PTAR1: variants seen among roughly 807,000 people sequenced by gnomAD.
PTAR1 encodes protein prenyltransferase alpha subunit repeat-containing protein 1.
Under a neutral mutation model 45.5 loss-of-function variants are expected in PTAR1, and 17 were observed. The ratio of observed to expected loss-of-function variants is 0.37; its 90% CI spans 0.26 to 0.56. The LOEUF (loss-of-function observed/expected upper bound fraction) is 0.56. Among genes scored for constraint, PTAR1 ranks in the 20% least tolerant of loss-of-function variants. The pLI, the probability that PTAR1 is intolerant of heterozygous loss-of-function variation, is 0.77. For missense variants in PTAR1, 391 were observed against 476.3 expected, an observed-to-expected ratio of 0.82 and a Z score of 1.67; for synonymous variants, 169 against 171.3, an observed-to-expected ratio of 0.99 and a Z score of 0.11.
At chr9:69,725,603 AAT>A (rs1554715487) in intron 5 of PTAR1, among the ~76,000 whole-genome samples, 5 of 151,052 alleles carry the variant, frequency 3.3e-5, no homozygotes, top group Admixed American at 6.6e-5. Flanking sequence ...AAAGAAAAAA[AAT>A]ATATATATAT....
At chr9:69,728,964 G>A (rs971537706) in intron 5 of PTAR1, among the ~76,000 whole-genome samples, 1 of 152,124 alleles carries the variant, frequency 6.6e-6, no homozygotes, top group African/African-American at 2.4e-5. Flanking sequence ...CATGTGCCAA[G>A]CACTGTTTCA....
At chr9:69,733,793 C>T (rs1315043603) in intron 4 of PTAR1, among the ~76,000 whole-genome samples, 1 of 152,100 alleles carries the variant, frequency 6.6e-6, no homozygotes, top group East Asian at 1.9e-4. Context: ...AATGCAATGC[C>T]CACAACTGCT....
intron 3 of PTAR1, among the ~76,000 whole-genome samples, chr9:69,737,698 C>A (rs1350320827): frequency 6.6e-6 from 1 of 152,200 alleles, no homozygotes; most frequent in East Asian, 1.9e-4. Flanking sequence ...GTATTGAACA[C>A]TTCCTCTGAG....
chr9:69,756,041 T>C (rs1010209864), intron 1 of PTAR1, among the ~76,000 whole-genome samples: 13 of 152,164 alleles, frequency 8.5e-5, no homozygotes, highest in Non-Finnish European at 1.6e-4. Flanking sequence ...GCTTAGACTA[T>C]CAAACTCTAA....
intron 1 of PTAR1, 67 bp downstream of exon 1, chr9:69,759,786 T>TTGACGCTTG: frequency 6.9e-7 from 1 of 1,445,230 alleles, no homozygotes; most frequent in Non-Finnish European, 9.2e-7. Context: ...CGAGGTCGGG[T>TTGACGCTTG]GGACGCTTGG....
At chr9:69,749,164 C>CA (rs1490445397) in intron 2 of PTAR1, among the ~76,000 whole-genome samples, 3 of 152,114 alleles carry the variant, frequency 2.0e-5, no homozygotes, top group African/African-American at 7.2e-5. Flanking sequence ...AGGACAAAAA[C>CA]AGAGAAATGG....
intron 2 of PTAR1, among the ~76,000 whole-genome samples, chr9:69,743,869 A>G (rs1414656698): frequency 6.6e-6 from 1 of 152,180 alleles, no homozygotes; most frequent in Non-Finnish European, 1.5e-5. Context: ...TATATAAGGC[A>G]AAATAATTAT....
At chr9:69,749,628 C>T (rs1285605159) in intron 2 of PTAR1, among the ~76,000 whole-genome samples, 1 of 151,992 alleles carries the variant, frequency 6.6e-6, no homozygotes, top group Non-Finnish European at 1.5e-5. Flanking sequence ...GAAAACACTG[C>T]TCATTAAACC....
chr9:69,722,939 CA>C lies in PTAR1; in HGVS notation c.947+386del, dbSNP rs35037746. ...GGGCAAGAAGAGCAAAACTCTATCT[CA>C]AAAAAAAAAAAAAAAAAAGAGAGAT... On this transcript the variant is annotated intron_variant, in intron 6 of 7. Transcript: ENST00000340434. Among the ~76,000 whole-genome samples, 393 of 99,796 alleles carry C rather than the reference CA, an allele frequency of 3.9e-3. 1 individual carries two copies. The highest frequency in any genetic ancestry group is 0.022 in the East Asian group (74 of 3,302). 65.5% of individuals were successfully genotyped at this position (99,796 alleles called of 152,430 possible). A position where few individuals can be genotyped will look rare whatever the true frequency, so the allele number is the denominator to read the frequency against.
At chr9:69,732,575 A>G (rs1825589842) in intron 4 of PTAR1, among the ~76,000 whole-genome samples, 1 of 152,108 alleles carries the variant, frequency 6.6e-6, no homozygotes, top group Non-Finnish European at 1.5e-5. Flanking sequence ...TAAACAGGAA[A>G]AAAAAAAAAC....
rs542984313 is a variant in PTAR1 at position 69,710,226 on chromosome 9, G to A, written c.*8116C>T. 3 of 152,210 alleles carry A rather than the reference G, an allele frequency of 2.0e-5. No individual in the cohort carries two copies. The highest frequency in any genetic ancestry group is 4.1e-4 in the South Asian group (2 of 4,822). The allele number at this position is 152,210 out of a possible 1,614,324, so 9.4% of individuals were successfully genotyped here. On this transcript the variant is annotated 3_prime_UTR_variant, in exon 8 of 8. Coordinates refer to ENST00000340434, the MANE Select transcript of PTAR1 (RefSeq NM_001099666.2). ...TGGCCAGTCAGAATTGAGATGTGCT[G>A]TGAGTGCAAAATACACTCAAATCTA...
chr9:69,759,569 T>G (rs1306637312), intron 1 of PTAR1, among the ~76,000 whole-genome samples: 1 of 152,108 alleles, frequency 6.6e-6, no homozygotes, highest in Non-Finnish European at 1.5e-5. Context: ...GTCTCTGGAG[T>G]TTCGTGAACT....
intron 5 of PTAR1, among the ~76,000 whole-genome samples, chr9:69,726,008 C>T (rs1049260971): frequency 7.9e-5 from 12 of 152,002 alleles, no homozygotes; most frequent in Admixed American, 2.0e-4. Context: ...AGAGGGATAA[C>T]GTGCTAAAAA....
chr9:69,741,852 A>G lies in PTAR1; in HGVS notation c.263T>C (p.Ile88Thr). Residue 88 changes from isoleucine (I) to threonine (T), a missense_variant, in exon 3 of 8, where the codon ATA (isoleucine) becomes ACA (threonine). Coordinates refer to ENST00000340434, the MANE Select transcript of PTAR1 (RefSeq NM_001099666.2). ...RKQWLNRDELIDVTCTLLLLN... is the reference protein window; with the variant it reads ...RKQWLNRDELTDVTCTLLLLN... ...AAGCAGCAGGGTACATGTGACATCT[A>G]TCAATTCTAAAATAAAGAGAAGTCA... 6.3e-7 allele frequency: 1 copy of G among 1,586,280 alleles called. No individual in the cohort carries two copies. The highest frequency in any genetic ancestry group is 8.6e-7 in the Non-Finnish European group (1 of 1,161,526).
intron 5 of PTAR1, among the ~76,000 whole-genome samples, chr9:69,724,475 C>G (rs147908363): frequency 6.6e-6 from 1 of 152,208 alleles, no homozygotes; most frequent in African/African-American, 2.4e-5. Flanking sequence ...ATTTTCAGAC[C>G]AGCTAAGGAA....
chr9:69,723,294 T>G, intron 6 of PTAR1, 32 bp downstream of exon 6: 1 of 1,580,646 alleles, frequency 6.3e-7, no homozygotes, highest in Non-Finnish European at 8.7e-7. Flanking sequence ...ACATGCAGTT[T>G]TGTGTAGGAA....
Position 69,732,254 on chromosome 9 carries a change from A to C in PTAR1, c.527T>G (p.Leu176Arg), listed in dbSNP as rs1177435124. The change falls in exon 5 of 8, where the codon CTC (leucine) becomes CGC (arginine). Residue 176 changes from leucine to arginine, a missense_variant. Leu to Arg is a moderately radical substitution (Grantham distance 102, BLOSUM62 -2). Coordinates refer to ENST00000340434, the MANE Select transcript of PTAR1 (RefSeq NM_001099666.2). ...GTIPTERAQR[L>R]IQEEMEVCGE... Reference sequence around the variant, plus strand: ...ACAGACCTCCATCTCTTCTTGTATGAGTCGCTGTGCCCTTTCTGTGGGAAT... The same window carrying C: ...ACAGACCTCCATCTCTTCTTGTATGCGTCGCTGTGCCCTTTCTGTGGGAAT... The C allele has an allele frequency of 6.2e-7, 1 of 1,613,802 alleles. No homozygotes were observed. The highest frequency in any genetic ancestry group is 1.1e-5 in the South Asian group (1 of 91,078).
chr9:69,717,339 G>C lies in PTAR1; in HGVS notation c.*1003C>G, dbSNP rs1391918686. 6.6e-6 allele frequency: 1 copy of C among 151,998 alleles called. No homozygotes were observed. Among genetic ancestry groups the C allele is most frequent in the Non-Finnish European group, 1.5e-5 (1 of 67,994 alleles). 9.4% of individuals were successfully genotyped at this position (151,998 alleles called of 1,614,324 possible). On this transcript the variant is annotated 3_prime_UTR_variant, in exon 8 of 8. Coordinates refer to ENST00000340434, the MANE Select transcript of PTAR1 (RefSeq NM_001099666.2). Reference sequence around the variant, plus strand: ...TTAAAAAGTAGTAATAGCTAAAAATGGCATTCCAGGTTTTCAGGAAAAAAA... The same window carrying C: ...TTAAAAAGTAGTAATAGCTAAAAATCGCATTCCAGGTTTTCAGGAAAAAAA...
At position 69,759,960 on chromosome 9, in the gene PTAR1, T is replaced by TCGGGCGCGCCTCCGCGTGAGC; in HGVS notation, c.-43_-23dup. The TCGGGCGCGCCTCCGCGTGAGC allele has an allele frequency of 6.8e-7, 1 of 1,462,262 alleles. No individual in the cohort carries two copies. The highest frequency in any genetic ancestry group is 3.1e-5 in the East Asian group (1 of 32,482). 90.6% of individuals were successfully genotyped at this position (1,462,262 alleles called of 1,614,324 possible). A position where few individuals can be genotyped will look rare whatever the true frequency, so the allele number is the denominator to read the frequency against. On this transcript the variant is annotated 5_prime_UTR_variant, in exon 1 of 8. Coordinates refer to ENST00000340434, the MANE Select transcript of PTAR1 (RefSeq NM_001099666.2). ...CCATGTTGGCGGCGGCCGCGACAGT[T>TCGGGCGCGCCTCCGCGTGAGC]CGGGCGCGCCTCCGCGTGAGCCGGG... is the stretch of plus-strand genomic sequence containing the variant.
Sources: gnomAD v4.1 joint callset for allele counts (sites outside exome capture counted in the v4.1 genomes callset) on GRCh38, gnomAD v4.1.1 for gene constraint, MANE v1.5 for transcripts, NCBI Gene and HGNC (gene_info 2026-07-23, HGNC 2026-07-21) for gene names.